Variants in GABRB1 observed in about 807,000 individuals in gnomAD.
GABRB1 encodes the protein gamma-aminobutyric acid receptor subunit beta-1.
GABRB1 carries 17 observed loss-of-function variants against 51.6 expected under a neutral mutation model. The ratio of observed to expected loss-of-function variants is 0.33; its 90% confidence interval spans 0.23 to 0.49. The LOEUF (loss-of-function observed/expected upper bound fraction) is 0.49, where lower values mean the gene tolerates loss of function less well. Among genes scored for constraint, GABRB1 ranks in the 20% least tolerant of loss-of-function variants. GABRB1 has a pLI of 0.99. For missense variants in GABRB1, 410 were observed against 600.6 expected (o/e 0.68, Z 3.32); for synonymous variants, 247 against 218.9 (o/e 1.13, Z -1.14).
intron 4 of GABRB1, among the ~76,000 whole-genome samples, chr4:47,205,187 G>A (rs892677785): frequency 1.3e-5 from 2 of 152,116 alleles, no homozygotes; most frequent in African/African-American, 4.8e-5. Context: ...CCTGAGAAAG[G>A]CAAATTTACA....
intron 4 of GABRB1, among the ~76,000 whole-genome samples, chr4:47,263,218 A>C (rs1722518563): frequency 6.6e-6 from 1 of 151,726 alleles, no homozygotes; most frequent in African/African-American, 2.4e-5. Context: ...AAATAAATAA[A>C]TAAATAATGG....
At position 47,062,047 on chromosome 4, in the gene GABRB1, C is replaced by G. The variant is rs138095551; in HGVS notation, c.240+29563C>G. Among the ~76,000 whole-genome samples, 10 of 152,188 alleles carry G rather than the reference C, an allele frequency of 6.6e-5. No individual in the cohort carries two copies. The East Asian group carries it at 1.5e-3, about 23-fold the overall frequency. On this transcript the variant is annotated intron_variant, in intron 3 of 8. Transcript: ENST00000295454. Reference sequence around the variant, plus strand: ...TATTGCATTATTTAGTATTATGAGGCCTTTTCATTTATGCTGCTTTGCACC... The same window carrying G: ...TATTGCATTATTTAGTATTATGAGGGCTTTTCATTTATGCTGCTTTGCACC...
chr4:47,213,193 A>G (rs1398366607), intron 4 of GABRB1, among the ~76,000 whole-genome samples: 1 of 152,180 alleles, frequency 6.6e-6, no homozygotes, highest in African/African-American at 2.4e-5. Flanking sequence ...CAGTAAAGAT[A>G]ATTTTGTATG....
intron 5 of GABRB1, among the ~76,000 whole-genome samples, chr4:47,392,756 A>G (rs986134752): frequency 2.0e-5 from 3 of 152,224 alleles, no homozygotes; most frequent in African/African-American, 4.8e-5. Flanking sequence ...CAGAAAGTGG[A>G]GTATGCAGCA....
chr4:47,219,811 T>TCTTTA (rs1186803387), intron 4 of GABRB1, among the ~76,000 whole-genome samples: 1 of 151,940 alleles, frequency 6.6e-6, no homozygotes, highest in African/African-American at 2.4e-5. Context: ...GTTGTTTATT[T>TCTTTA]CTTTACTTCC....
At chr4:47,178,019 A>C (rs931280450) in intron 4 of GABRB1, among the ~76,000 whole-genome samples, 1 of 152,058 alleles carries the variant, frequency 6.6e-6, no homozygotes. Context: ...TAGAACTAAG[A>C]TTAAAAGGAT....
intron 4 of GABRB1, among the ~76,000 whole-genome samples, chr4:47,232,256 T>C (rs774277999): frequency 3.9e-5 from 6 of 152,114 alleles, no homozygotes; most frequent in Non-Finnish European, 8.8e-5. Context: ...ACTGAGATCA[T>C]CAGTGATTCC....
intron 3 of GABRB1, among the ~76,000 whole-genome samples, chr4:47,045,179 T>C (rs549497028): frequency 6.6e-6 from 1 of 151,992 alleles, no homozygotes; most frequent in Non-Finnish European, 1.5e-5. Context: ...ACATACACCT[T>C]TGAGAATGAA....
At chr4:47,007,403 A>G (rs1019964132) in intron 1 of GABRB1, among the ~76,000 whole-genome samples, 2 of 152,204 alleles carry the variant, frequency 1.3e-5, no homozygotes, top group Non-Finnish European at 1.5e-5. Flanking sequence ...TAAGATCTCT[A>G]ATTATAGTGG....
In GABRB1 at chr4:47,061,552, G is replaced by T. The variant is rs116698830; in HGVS notation, c.240+29068G>T. 5.2e-3 allele frequency among the ~76,000 whole-genome samples: 791 copies of T among 152,140 alleles called. 7 individuals are homozygous for T. Among genetic ancestry groups the T allele is most frequent in the African/African-American group, 0.018 (747 of 41,504 alleles). On this transcript the variant is annotated intron_variant, in intron 3 of 8. Transcript: ENST00000295454. ...ACTAGGAAAATAACTTTGCTTTTCT[G>T]CTATTAACTTAGCAGATTCTCTGTG...
At chr4:47,178,946 T>G (rs1196896821) in intron 4 of GABRB1, among the ~76,000 whole-genome samples, 1 of 152,014 alleles carries the variant, frequency 6.6e-6, no homozygotes, top group African/African-American at 2.4e-5. Context: ...TAGTACAGCA[T>G]GGCTATAAAA....
At chr4:47,303,752 C>G (rs1353507939) in intron 4 of GABRB1, among the ~76,000 whole-genome samples, 1 of 151,862 alleles carries the variant, frequency 6.6e-6, no homozygotes, top group Non-Finnish European at 1.5e-5. Context: ...TTTTAAAAAT[C>G]TACTCTTTTA....
chr4:47,154,285 G>A (rs1397833637), intron 3 of GABRB1, among the ~76,000 whole-genome samples: 2 of 149,626 alleles, frequency 1.3e-5, no homozygotes, highest in African/African-American at 4.9e-5. Context: ...TATCCTAAGG[G>A]GCGTTTCTTT....
At chr4:47,039,519 G>A (rs1392373928) in intron 3 of GABRB1, among the ~76,000 whole-genome samples, 1 of 152,008 alleles carries the variant, frequency 6.6e-6, no homozygotes, top group African/African-American at 2.4e-5. Context: ...ATTTTTGGAA[G>A]AAGAACTGTG....
chr4:47,000,816 A>G (rs1471507846), intron 1 of GABRB1, among the ~76,000 whole-genome samples: 2 of 152,210 alleles, frequency 1.3e-5, no homozygotes, highest in Non-Finnish European at 2.9e-5. Context: ...AAGCATTTCA[A>G]GTTAGACTGA....
chr4:47,412,989 A>G (rs1373095365), intron 8 of GABRB1, among the ~76,000 whole-genome samples: 2 of 152,166 alleles, frequency 1.3e-5, no homozygotes, highest in East Asian at 1.9e-4. Flanking sequence ...GCTTCTCTGT[A>G]CTGTACTCGG....
chr4:47,337,023 T>G (rs1375865917), intron 5 of GABRB1, among the ~76,000 whole-genome samples: 2 of 152,132 alleles, frequency 1.3e-5, no homozygotes, highest in East Asian at 3.8e-4. Flanking sequence ...GAAGTTGAAA[T>G]AGAAGCCAAA....
intron 5 of GABRB1, among the ~76,000 whole-genome samples, chr4:47,394,858 T>C (rs1359515091): frequency 6.6e-6 from 1 of 152,172 alleles, no homozygotes; most frequent in Non-Finnish European, 1.5e-5. Flanking sequence ...CTGATTTTTG[T>C]GTTACTTGAT....
chr4:47,274,009 G>A (rs1175001087), intron 4 of GABRB1, among the ~76,000 whole-genome samples: 2 of 151,826 alleles, frequency 1.3e-5, no homozygotes. Context: ...ACTCATGCAA[G>A]TATTTATATA....
Sources: gnomAD v4.1 joint callset for allele counts (sites outside exome capture counted in the v4.1 genomes callset) on GRCh38, gnomAD v4.1.1 for gene constraint, MANE v1.5 for transcripts, NCBI Gene and HGNC (gene_info 2026-07-23, HGNC 2026-07-21) for gene names.